Variants in PDE6C observed in about 807,000 individuals in gnomAD.
The protein encoded by PDE6C is phosphodiesterase 6C.
In PDE6C, 75 loss-of-function variants were observed where a neutral mutation model predicts 113.1. That is an observed-to-expected ratio of 0.66 (90% CI 0.55 to 0.80). The LOEUF (loss-of-function observed/expected upper bound fraction) is 0.80. PDE6C is among the 30% of genes least tolerant of loss of function. PDE6C has a pLI of 0.00. For synonymous variants in PDE6C, 375 were observed against 363.7 expected (o/e 1.03, Z -0.35); for missense variants, 912 against 1,038.6 (o/e 0.88, Z 1.67).
intron 11 of PDE6C, among the ~76,000 whole-genome samples, chr10:93,637,902 C>A (rs2058541506): frequency 6.6e-6 from 1 of 151,822 alleles, no homozygotes; most frequent in Non-Finnish European, 1.5e-5. Context: ...CGTGTAGGGG[C>A]TCTGAGTGAT....
intron 1 of PDE6C, among the ~76,000 whole-genome samples, chr10:93,619,405 G>C (rs1249611540): frequency 6.6e-6 from 1 of 152,190 alleles, no homozygotes; most frequent in East Asian, 1.9e-4. Flanking sequence ...GTCAGTGGAA[G>C]TTAGAATGTG....
At chr10:93,645,648 A>G (rs1034962352) in intron 14 of PDE6C, among the ~76,000 whole-genome samples, 1 of 152,156 alleles carries the variant, frequency 6.6e-6, no homozygotes, top group Non-Finnish European at 1.5e-5. Context: ...CATGTTTGCT[A>G]TATGTTTTAT....
chr10:93,648,915 G>C (rs1219758285), intron 15 of PDE6C, among the ~76,000 whole-genome samples: 2 of 152,096 alleles, frequency 1.3e-5, no homozygotes, highest in Non-Finnish European at 2.9e-5. Context: ...TTTACACATA[G>C]AAATGTGAAG....
intron 8 of PDE6C, among the ~76,000 whole-genome samples, chr10:93,634,556 T>A (rs2058518620): frequency 6.6e-6 from 1 of 152,228 alleles, no homozygotes; most frequent in Non-Finnish European, 1.5e-5. Context: ...AATGTCTGTT[T>A]TCTGGTTTCG....
chr10:93,637,290 T>C (rs1212404002), intron 11 of PDE6C, among the ~76,000 whole-genome samples: 1 of 152,192 alleles, frequency 6.6e-6, no homozygotes, highest in Non-Finnish European at 1.5e-5. Flanking sequence ...TTTACAATTG[T>C]AGGTAGCCTA....
At chr10:93,624,634 G>T (rs1248419301) in intron 4 of PDE6C, among the ~76,000 whole-genome samples, 1 of 152,140 alleles carries the variant, frequency 6.6e-6, no homozygotes, top group Non-Finnish European at 1.5e-5. Flanking sequence ...AGGAGAGCTG[G>T]GTTCTGATCT....
intron 11 of PDE6C, among the ~76,000 whole-genome samples, 175 bp downstream of exon 11, chr10:93,637,238 T>G (rs1032298294): frequency 6.6e-6 from 1 of 152,242 alleles, no homozygotes; most frequent in Non-Finnish European, 1.5e-5. Flanking sequence ...ATTCCCTGCT[T>G]TTCTTCATCT....
chr10:93,627,144 G>A (rs188625009), intron 7 of PDE6C, among the ~76,000 whole-genome samples: 1 of 150,334 alleles, frequency 6.7e-6, no homozygotes, highest in Non-Finnish European at 1.5e-5. Context: ...TGCCTGTAAT[G>A]CCAGCTACTT....
chr10:93,629,608 C>T (rs952966514), intron 8 of PDE6C, among the ~76,000 whole-genome samples: 1 of 152,150 alleles, frequency 6.6e-6, no homozygotes, highest in Non-Finnish European at 1.5e-5. Context: ...TTGTGGAAGA[C>T]AATTTTTCCA....
intron 21 of PDE6C, among the ~76,000 whole-genome samples, chr10:93,665,085 T>G (rs1305747674): frequency 6.6e-6 from 1 of 152,122 alleles, no homozygotes; most frequent in Non-Finnish European, 1.5e-5. Flanking sequence ...ACCAGGCTGG[T>G]CTTGCACTCC....
In PDE6C at chr10:93,634,778, TG is replaced by T. The variant is rs755562979; in HGVS notation, c.1142del (p.Gly381ValfsTer54). On this transcript the variant is annotated frameshift_variant, in exon 9 of 22. Transcript: ENST00000371447. LOFTEE classifies it high-confidence loss of function. ...TFQKGPVDET[G>X]WVIKNVLSLP... ...TGTAGAAAGGACCTGTAGACGAAAC[TG>T]GTTGGGTCATTAAGAATGTTTTGTC... The T allele has an allele frequency of 6.2e-7, 1 of 1,613,992 alleles. No homozygotes were observed. The highest frequency in any genetic ancestry group is 1.3e-5 in the African/African-American group (1 of 74,924).
intron 16 of PDE6C, 107 bp from the exon 17 acceptor site, chr10:93,658,794 C>T (rs764939145): frequency 4.1e-6 from 3 of 727,004 alleles, no homozygotes; most frequent in African/African-American, 3.5e-5. Flanking sequence ...GCTATGTGGA[C>T]ATCACAATGC....
chr10:93,660,659 C>G (rs1174380541), intron 18 of PDE6C, among the ~76,000 whole-genome samples: 2 of 152,128 alleles, frequency 1.3e-5, no homozygotes, highest in African/African-American at 2.4e-5. Context: ...CCGTCACCAT[C>G]AAGTCCAAAA....
chr10:93,619,293 G>GA (rs538741064), intron 1 of PDE6C, among the ~76,000 whole-genome samples: 10 of 150,388 alleles, frequency 6.6e-5, no homozygotes, highest in Admixed American at 2.0e-4. Flanking sequence ...CCCAGAGAAA[G>GA]AAAAAAAAAT....
chr10:93,637,172 T>C (rs1001554595), intron 11 of PDE6C, 109 bp downstream of exon 11: 7 of 682,804 alleles, frequency 1.0e-5, no homozygotes, highest in Non-Finnish European at 1.6e-5. Flanking sequence ...AGTTTTCTCT[T>C]TCCTGATATT....
At chr10:93,628,780 C>A (rs2058486480) in intron 7 of PDE6C, among the ~76,000 whole-genome samples, 1 of 152,118 alleles carries the variant, frequency 6.6e-6, no homozygotes, top group Non-Finnish European at 1.5e-5. Flanking sequence ...AAAGTGATAT[C>A]TCTCACTGAA....
intron 8 of PDE6C, among the ~76,000 whole-genome samples, chr10:93,633,168 T>C (rs536921572): frequency 2.0e-5 from 3 of 152,262 alleles, no homozygotes; most frequent in South Asian, 4.2e-4. Context: ...GGAAGCTTAT[T>C]GAAGATGCAT....
intron 15 of PDE6C, among the ~76,000 whole-genome samples, chr10:93,649,700 G>T (rs967606972): frequency 6.6e-6 from 1 of 152,184 alleles, no homozygotes; most frequent in Non-Finnish European, 1.5e-5. Flanking sequence ...CGCCTCCTGG[G>T]TTCAAGAGAT....
At chr10:93,636,328 T>C (rs139849030) in intron 10 of PDE6C, among the ~76,000 whole-genome samples, 1 of 151,328 alleles carries the variant, frequency 6.6e-6, no homozygotes, top group East Asian at 1.9e-4. Flanking sequence ...AGGGAAAATA[T>C]CATGTGCCCA....
Sources: allele counts gnomAD v4.1 joint callset (sites outside exome capture counted in the v4.1 genomes callset), GRCh38; gene constraint gnomAD v4.1.1; transcripts MANE v1.5; gene names NCBI Gene and HGNC (gene_info 2026-07-23, HGNC 2026-07-21).